Variants in NLRC5 observed in about 807,000 individuals in gnomAD.
The protein encoded by NLRC5 is NLR family CARD domain containing 5, also known as protein NLRC5.
A neutral mutation model predicts 206.9 loss-of-function variants in NLRC5; 114 were observed. That is an observed-to-expected ratio of 0.55 (90% CI 0.47 to 0.64). The LOEUF is 0.64. Among genes scored for constraint, NLRC5 ranks in the 30% least tolerant of loss-of-function variants. The pLI, the probability that NLRC5 is intolerant of heterozygous loss-of-function variation, is 0.00. For synonymous variants in NLRC5, 952 were observed against 962.8 expected (o/e 0.99, Z 0.21); for missense variants, 2,008 against 2,305.5 (o/e 0.87, Z 2.64).
At position 57,045,479 on chromosome 16, in the gene NLRC5, G is replaced by C. The variant is rs368608343; in HGVS notation, c.3235G>C (p.Asp1079His). 8.7e-6 allele frequency: 14 copies of C among 1,613,952 alleles called. No individual in the cohort carries two copies. The highest frequency in any genetic ancestry group is 1.3e-5 in the African/African-American group (1 of 74,930). ...AAGCCAACACATCCTCCTGAGAGGGGACAAGACAAGCAGGTGAGGAGGGAA... is the reference window on the plus strand; with the variant it reads ...AAGCCAACACATCCTCCTGAGAGGGCACAAGACAAGCAGGTGAGGAGGGAA... ...FESQHILLRG[D>H]KTSRDMWATG... The change falls in exon 21 of 49, where the codon GAC (aspartate) becomes CAC (histidine). Residue 1079 changes from aspartate to histidine, a missense_variant. By Grantham distance (81) the Asp-to-His change is moderately conservative. Coordinates refer to ENST00000688547, the MANE Select transcript of NLRC5 (RefSeq NM_001384950.1).
chr16:57,022,382 G>A, intron 4 of NLRC5, 67 bp downstream of exon 4: 2 of 1,354,024 alleles, frequency 1.5e-6, no homozygotes, highest in Non-Finnish European at 2.1e-6. Flanking sequence ...TTCCAAGCTG[G>A]AGGAGGCTGT....
chr16:57,025,258 T>TACATACACATCTGGGGCTACAGGCTCCCA (rs1438852848), intron 5 of NLRC5, 110 bp from the exon 6 acceptor site: 31 of 1,470,764 alleles, frequency 2.1e-5, no homozygotes, highest in Admixed American at 9.6e-5. Context: ...CACCCCATCA[T>TACATACACATCTGGGGCTACAGGCTCCCA]ACATACACAT....
chr16:57,021,571 G>C (rs189421715), intron 3 of NLRC5, among the ~76,000 whole-genome samples: 2 of 152,278 alleles, frequency 1.3e-5, no homozygotes, highest in Admixed American at 1.3e-4. Context: ...GGACATCACT[G>C]TGTTGCCCAG....
rs776734666 is a variant in NLRC5 at position 57,039,839 on chromosome 16, C to A, written c.2860C>A (p.Pro954Thr). The A allele has an allele frequency of 6.2e-7, 1 of 1,613,958 alleles. No homozygotes were observed. The highest frequency in any genetic ancestry group is 1.1e-5 in the South Asian group (1 of 91,082). Residue 954 changes from proline to threonine, a missense_variant, in exon 16 of 49, where the codon CCC (proline) becomes ACC (threonine). Transcript: ENST00000688547. ...CCAGGAGCCAGAGGAGCAGAAGGGG[C>A]CCCAGGAGAGGTAGGGCCCGATTTC... ...FAQEPEEQKGPQERAAFLDSL... is the reference protein window; with the variant it reads ...FAQEPEEQKGTQERAAFLDSL...
At chr16:57,036,825 G>A (rs1350624878) in intron 14 of NLRC5, among the ~76,000 whole-genome samples, 4 of 151,932 alleles carry the variant, frequency 2.6e-5, no homozygotes, top group Admixed American at 6.6e-5. Flanking sequence ...TCTGGGCCTC[G>A]GTTTCCCCTC....
chr16:57,079,082 C>T lies in NLRC5; in HGVS notation c.5114C>T (p.Ala1705Val). The change falls in exon 44 of 49, where the codon GCC becomes GTC. Residue 1705 changes from alanine to valine, a missense_variant. Physicochemically the swap from Ala to Val is moderately conservative, Grantham distance 64 (BLOSUM62 0). Transcript: ENST00000688547. ...LPFSHLGPGG[A>V]LSLAQALDGS... ...TTCAGCCATCTGGGCCCAGGTGGGG[C>T]CCTGAGCCTGGCCCAGGCCCTGGAT... 6.2e-7 allele frequency: 1 copy of T among 1,614,170 alleles called. No homozygotes were observed. The highest frequency in any genetic ancestry group is 8.5e-7 in the Non-Finnish European group (1 of 1,180,024).
intron 27 of NLRC5, 50 bp from the exon 28 acceptor site, chr16:57,058,015 A>G: frequency 6.9e-7 from 1 of 1,452,394 alleles, no homozygotes; most frequent in Non-Finnish European, 9.6e-7. Context: ...GGAGCATCTC[A>G]GGCTGAGGAG....
At position 57,037,257 on chromosome 16, in the gene NLRC5, G is replaced by T; in HGVS notation, c.2774G>T (p.Cys925Phe). The T allele has an allele frequency of 6.2e-7, 1 of 1,613,632 alleles. No homozygotes were observed. Among genetic ancestry groups the T allele is most frequent in the East Asian group, 2.2e-5 (1 of 44,878 alleles). The change falls in exon 15 of 49, where the codon TGC becomes TTC. Residue 925 changes from cysteine (C) to phenylalanine (F), a missense_variant. Cys to Phe is a radical substitution (Grantham distance 205). Transcript: ENST00000688547. The part of the protein sequence containing the change: ...VHCVLRAVSA[C>F]WTLAELHISL... Reference sequence around the variant, plus strand: ...TGTGTGCTGAGGGCCGTGAGTGCGTGCTGGACCCTGGCAGAGCTGCACATC... The same window carrying T: ...TGTGTGCTGAGGGCCGTGAGTGCGTTCTGGACCCTGGCAGAGCTGCACATC...
At chr16:57,049,732 TCAAATAAA>T (rs1227642084) in intron 23 of NLRC5, among the ~76,000 whole-genome samples, 3 of 143,434 alleles carry the variant, frequency 2.1e-5, no homozygotes, top group African/African-American at 7.8e-5. Context: ...AGACTCTGTC[TCAAATAAA>T]TAAATAAATA....
At chr16:56,998,563 C>T (rs560592093) in intron 1 of NLRC5, among the ~76,000 whole-genome samples, 3 of 152,150 alleles carry the variant, frequency 2.0e-5, no homozygotes, top group South Asian at 2.1e-4. Context: ...ACTGGCCTGG[C>T]GTCACCCAGC....
chr16:57,002,793 C>T (rs893672146), intron 1 of NLRC5, among the ~76,000 whole-genome samples: 4 of 151,864 alleles, frequency 2.6e-5, no homozygotes, highest in African/African-American at 4.8e-5. Flanking sequence ...AGGCATGGGG[C>T]GCCACTACGC....
At chr16:57,047,454 A>C in intron 22 of NLRC5, 91 bp from the exon 23 acceptor site, 2 of 1,142,042 alleles carry the variant, frequency 1.8e-6, no homozygotes, top group Non-Finnish European at 2.6e-6. Context: ...ACTTAGAGTG[A>C]GGGATGCTGG....
At position 57,026,755 on chromosome 16, in the gene NLRC5, C is replaced by T. The variant is rs34984588; in HGVS notation, c.1812C>T (p.Thr604=). ...AVVQVLKKLA[T]RKLTGPKVVE... is the part of the protein sequence containing the mutation. ...TGCAGGTGTTGAAGAAGTTGGCCAC[C>T]CGCAAGCTCACAGGGCCAAAGGTTG... is the stretch of plus-strand genomic sequence containing the variant. Residue 604 remains threonine, a synonymous_variant, in exon 6 of 49, where the codon ACC becomes ACT. Transcript: ENST00000688547. The T allele has an allele frequency of 3.4e-3, 5,493 of 1,614,028 alleles. 151 individuals carry two copies. In the African/African-American group the frequency reaches 0.062, roughly 18 times the overall value.
chr16:57,020,927 T>C lies in NLRC5; in HGVS notation c.215T>C (p.Phe72Ser), dbSNP rs1343662255. The C allele has an allele frequency of 1.2e-6, 2 of 1,613,892 alleles. No individual in the cohort carries two copies. The highest frequency in any genetic ancestry group is 2.7e-5 in the African/African-American group (2 of 74,872). ...CAGGGTTCGGACACCTGGCAGTCTT[T>C]CATTCATTGTGTGTGCATGCAGCTG... is the stretch of plus-strand genomic sequence containing the variant. ...HVQGSDTWQSFIHCVCMQLEV... is the reference protein window; with the variant it reads ...HVQGSDTWQSSIHCVCMQLEV... Residue 72 changes from phenylalanine to serine, a missense_variant, in exon 3 of 49, where the codon TTC becomes TCC. Phe to Ser is a radical substitution (Grantham distance 155). Coordinates refer to ENST00000688547, the MANE Select transcript of NLRC5 (RefSeq NM_001384950.1).
intron 1 of NLRC5, among the ~76,000 whole-genome samples, chr16:56,991,379 CTTTTTTTTT>C (rs55678024): frequency 3.8e-5 from 4 of 105,892 alleles, no homozygotes; most frequent in Admixed American, 1.1e-4. Flanking sequence ...TTCTTTATTC[CTTTTTTTTT>C]TTTTTTTTTT....
intron 15 of NLRC5, 30 bp downstream of exon 15, chr16:57,037,314 T>G: frequency 6.6e-7 from 1 of 1,522,632 alleles, no homozygotes; most frequent in African/African-American, 1.4e-5. Context: ...ACGGTACCCA[T>G]CCCCCCCCCC....
intron 27 of NLRC5, among the ~76,000 whole-genome samples, chr16:57,056,032 A>G (rs2065614932): frequency 6.6e-6 from 1 of 152,196 alleles, no homozygotes. Context: ...TAAGTGCTTG[A>G]CATGTTCTTT....
chr16:57,018,606 A>C (rs1185577104), intron 2 of NLRC5, among the ~76,000 whole-genome samples: 1 of 152,150 alleles, frequency 6.6e-6, no homozygotes, highest in Non-Finnish European at 1.5e-5. Context: ...GCTGGGCTCT[A>C]AACCCCAGGA....
At chr16:57,081,287 T>G in intron 47 of NLRC5, 106 bp downstream of exon 47, 1 of 1,176,184 alleles carries the variant, frequency 8.5e-7, no homozygotes, top group South Asian at 1.4e-5. Context: ...AAGCCCTTCC[T>G]TGAGTTGCAC....
Sources: gnomAD v4.1 joint callset for allele counts (sites outside exome capture counted in the v4.1 genomes callset) on GRCh38, gnomAD v4.1.1 for gene constraint, MANE v1.5 for transcripts, NCBI Gene and HGNC (gene_info 2026-07-23, HGNC 2026-07-21) for gene names.